Variants in LPP observed in about 807,000 individuals in gnomAD.
LPP encodes LIM domain containing preferred translocation partner in lipoma.
LPP carries 38 observed loss-of-function variants against 60.4 expected under a neutral mutation model. The ratio of observed to expected loss-of-function variants is 0.63; its 90% CI spans 0.49 to 0.83. The LOEUF (loss-of-function observed/expected upper bound fraction) is 0.83. Among genes scored for constraint, LPP ranks in the 40% least tolerant of loss-of-function variants. LPP has a pLI of 0.00. For synonymous variants in LPP, 328 were observed against 290.8 expected (o/e 1.13, Z -1.30); for missense variants, 902 against 783.6 (o/e 1.15, Z -1.80).
In LPP at chr3:188,217,846, T is replaced by C. The variant is rs6785028; in HGVS notation, c.-189-7559T>C. On this transcript the variant is annotated intron_variant, in intron 1 of 11. Transcript: ENST00000617246. The surrounding 1 kb of genome is among the most constrained non-coding windows in gnomAD (Gnocchi z 4.0). The stretch of plus-strand genomic sequence containing the variant: ...GAGCTTTGGGCCAGTGCACAGAGGA[T>C]GGTGGCTTCCTGCCTTTGGCTTCCC... 0.78 allele frequency among the ~76,000 whole-genome samples: 119,124 copies of C among 152,154 alleles called. 46,776 individuals are homozygous for C. The highest frequency in any genetic ancestry group is 0.88 in the South Asian group (4,251 of 4,818).
chr3:188,410,218 C>T (rs1784582544), intron 4 of LPP, among the ~76,000 whole-genome samples: 1 of 152,122 alleles, frequency 6.6e-6, no homozygotes, highest in South Asian at 2.1e-4. Flanking sequence ...TAATATAAAC[C>T]TACTTCTCCA....
At chr3:188,671,466 T>C (rs1433918384) in intron 7 of LPP, among the ~76,000 whole-genome samples, 1 of 152,210 alleles carries the variant, frequency 6.6e-6, no homozygotes, top group Non-Finnish European at 1.5e-5. Context: ...CATTTTTTTC[T>C]ATGCAAATCA....
chr3:188,203,629 A>AT (rs1241731890), intron 1 of LPP, among the ~76,000 whole-genome samples: 6 of 108,278 alleles, frequency 5.5e-5, no homozygotes, highest in Non-Finnish European at 9.0e-5. Flanking sequence ...ATATATACAT[A>AT]TCAAATATGT....
chr3:188,634,493 A>G (rs1848371434), intron 7 of LPP, among the ~76,000 whole-genome samples: 1 of 152,202 alleles, frequency 6.6e-6, no homozygotes, highest in Non-Finnish European at 1.5e-5. Context: ...ACCTGTTGGA[A>G]CCAGGCTGCA....
chr3:188,844,452 C>A (rs1760931519), intron 9 of LPP, among the ~76,000 whole-genome samples: 1 of 152,160 alleles, frequency 6.6e-6, no homozygotes, highest in Non-Finnish European at 1.5e-5. Flanking sequence ...ATTTTCAATA[C>A]AAACTGCTTC....
At chr3:188,319,211 T>C (rs943609396) in intron 2 of LPP, among the ~76,000 whole-genome samples, 2 of 152,198 alleles carry the variant, frequency 1.3e-5, no homozygotes, top group African/African-American at 4.8e-5. Flanking sequence ...GAACACACAC[T>C]GGAACAGACT....
chr3:188,365,117 C>CTT lies in LPP; in HGVS notation c.-10+23411_-10+23412dup, dbSNP rs57752120. 3.5e-5 allele frequency among the ~76,000 whole-genome samples: 5 copies of CTT among 142,804 alleles called. 1 individual carries two copies. Among genetic ancestry groups the CTT allele is most frequent in the Admixed American group, 6.9e-5 (1 of 14,442 alleles). The allele number at this position is 142,804 out of a possible 152,430, so 93.7% of individuals were successfully genotyped here. A position where few individuals can be genotyped will look rare whatever the true frequency, so the allele number is the denominator to read the frequency against. On this transcript the variant is annotated intron_variant, in intron 3 of 11. Transcript: ENST00000617246. The stretch of plus-strand genomic sequence containing the variant: ...ATGAGTTTTAAGGGTAATAGAAGCG[C>CTT]TTTTTTTTTTTTTTCTGGTGACCTC...
At chr3:188,375,395 G>C (rs1195240993) in intron 3 of LPP, among the ~76,000 whole-genome samples, 1 of 152,108 alleles carries the variant, frequency 6.6e-6, no homozygotes, top group East Asian at 1.9e-4. Flanking sequence ...GCCTGTTATT[G>C]GTCTGTTCAG....
At chr3:188,669,299 G>T (rs909767663) in intron 7 of LPP, among the ~76,000 whole-genome samples, 16 of 152,064 alleles carry the variant, frequency 1.1e-4, no homozygotes, top group Admixed American at 5.2e-4. Context: ...AGTCAGGGCC[G>T]GGCATGATGG....
rs560530418 is a variant in LPP, at chr3:188,786,368, G to A, written c.1410+26086G>A. On this transcript the variant is annotated intron_variant, in intron 9 of 11. Transcript: ENST00000617246. ...ACTGCACTCCAGCCTGGGCAACAGC[G>A]TGAGACTCCGTCTCAAAAAAAAAAA... 1.2e-4 allele frequency among the ~76,000 whole-genome samples: 14 copies of A among 120,572 alleles called. No homozygotes were observed. The East Asian group carries it at 1.4e-3, about 12-fold the overall frequency. 79.1% of individuals were successfully genotyped at this position (120,572 alleles called of 152,430 possible). A position where few individuals can be genotyped will look rare whatever the true frequency, so the allele number is the denominator to read the frequency against.
At chr3:188,765,861 C>CTTT (rs71169019) in intron 9 of LPP, among the ~76,000 whole-genome samples, 10,712 of 92,628 alleles carry the variant, frequency 0.12, 1,693 homozygotes, top group Non-Finnish European at 0.13. Flanking sequence ...ATGTTCAACT[C>CTTT]TTTTTTTTTT....
intron 6 of LPP, among the ~76,000 whole-genome samples, chr3:188,595,331 C>T (rs373576338): frequency 5.6e-4 from 85 of 152,302 alleles, no homozygotes; most frequent in African/African-American, 1.9e-3. Flanking sequence ...GAATAATAAA[C>T]TAATTCCTCA....
intron 8 of LPP, among the ~76,000 whole-genome samples, chr3:188,745,411 G>T (rs1725820843): frequency 6.6e-6 from 1 of 152,122 alleles, no homozygotes; most frequent in South Asian, 2.1e-4. Flanking sequence ...AGTTACATAA[G>T]TCATTCCTGT....
chr3:188,615,855 CAT>C (rs750077471), intron 7 of LPP, among the ~76,000 whole-genome samples: 21 of 152,032 alleles, frequency 1.4e-4, no homozygotes, highest in Non-Finnish European at 2.5e-4. Flanking sequence ...AACTTTTTTT[CAT>C]ATGTTTGTTG....
At chr3:188,454,542 A>T (rs891554005) in intron 4 of LPP, among the ~76,000 whole-genome samples, 2 of 152,194 alleles carry the variant, frequency 1.3e-5, no homozygotes, top group African/African-American at 2.4e-5. Context: ...TATGCATTCT[A>T]TGCAAGGATG....
At chr3:188,203,129 T>C (rs1473813983) in intron 1 of LPP, among the ~76,000 whole-genome samples, 1 of 140,462 alleles carries the variant, frequency 7.1e-6, no homozygotes, top group Non-Finnish European at 1.5e-5. Flanking sequence ...ATAAAATGTA[T>C]ATTATATTAT....
chr3:188,428,003 G>T (rs1046870433), intron 4 of LPP, among the ~76,000 whole-genome samples: 3 of 152,042 alleles, frequency 2.0e-5, no homozygotes, highest in Non-Finnish European at 4.4e-5. Context: ...TGCCCAAACG[G>T]TCACCCGGTT....
rs1759878845 is a variant in LPP at position 188,841,216 on chromosome 3, A to G, written c.1411-24984A>G. On this transcript the variant is annotated intron_variant, in intron 9 of 11. Coordinates refer to ENST00000617246, the MANE Select transcript of LPP (RefSeq NM_001375462.1). ...CAATCTCTGTAATTTGTATTTTTGG[A>G]CATAGTGCTTTAGGAAGGTGGATGT... 2.6e-5 allele frequency among the ~76,000 whole-genome samples: 4 copies of G among 152,098 alleles called. No homozygotes were observed. The South Asian group carries it at 8.3e-4, about 32-fold the overall frequency.
At chr3:188,859,089 T>TAAAA (rs35722501) in intron 9 of LPP, among the ~76,000 whole-genome samples, 23 of 103,926 alleles carry the variant, frequency 2.2e-4, no homozygotes, top group African/African-American at 7.1e-4. Context: ...ACTCTGTCTT[T>TAAAA]AAAAAAAAAA....
Sources: gnomAD v4.1 joint callset for allele counts (sites outside exome capture counted in the v4.1 genomes callset) on GRCh38, gnomAD v4.1.1 for gene constraint, Gnocchi (gnomAD v3.1) non-coding constraint, MANE v1.5 for transcripts, NCBI Gene and HGNC (gene_info 2026-07-23, HGNC 2026-07-21) for gene names.